The following MACROD2 variants were observed in gnomAD, a reference collection of about 807,000 sequenced individuals.
The protein encoded by MACROD2 is ADP-ribose glycohydrolase MACROD2.
In MACROD2, 36 loss-of-function variants were observed where a neutral mutation model predicts 70.4. That is an observed-to-expected ratio of 0.51 (90% confidence interval 0.39 to 0.68). The LOEUF is 0.68. Ranked by LOEUF, MACROD2 falls within the 30% of genes least tolerant of loss-of-function variation. The pLI is 0.00. For missense variants in MACROD2, 496 were observed against 538.4 expected (o/e 0.92, Z 0.78); for synonymous variants, 172 against 178.8 (o/e 0.96, Z 0.30).
At chr20:14,328,790 AG>A (rs2082781153) in intron 3 of MACROD2, 1 of 152,112 alleles carries the variant, frequency 6.6e-6, no homozygotes, top group Non-Finnish European at 1.5e-5. Context: ...ATGGTGGGCA[AG>A]CTCATTAAAG....
At chr20:15,645,251 A>G (rs1349152462) in intron 8 of MACROD2, among the ~76,000 whole-genome samples, 1 of 152,190 alleles carries the variant, frequency 6.6e-6, no homozygotes, top group Non-Finnish European at 1.5e-5. Context: ...CAGAGGCAAG[A>G]GGGTCCCCAT....
intron 3 of MACROD2, among the ~76,000 whole-genome samples, chr20:14,203,037 A>C (rs1381894345): frequency 6.6e-6 from 1 of 151,758 alleles, no homozygotes; most frequent in Admixed American, 6.6e-5. Context: ...ACAAGAGCAA[A>C]ACTCCATCTT....
At chr20:15,226,745 A>G (rs2076909915) in intron 5 of MACROD2, among the ~76,000 whole-genome samples, 1 of 152,076 alleles carries the variant, frequency 6.6e-6, no homozygotes. Context: ...TCTCCATTAT[A>G]AGGTTAGATA....
chr20:15,904,108 T>G (rs1475981837), intron 10 of MACROD2, among the ~76,000 whole-genome samples: 1 of 152,208 alleles, frequency 6.6e-6, no homozygotes, highest in Admixed American at 6.5e-5. Flanking sequence ...CATCATGTCT[T>G]CTTGCTCTCC....
At chr20:14,816,931 C>A (rs1435295563) in intron 5 of MACROD2, among the ~76,000 whole-genome samples, 1 of 151,840 alleles carries the variant, frequency 6.6e-6, no homozygotes, top group African/African-American at 2.4e-5. Flanking sequence ...TACATAGAAT[C>A]GAAATAAAAC....
At chr20:15,675,018 T>C (rs2050037529) in intron 8 of MACROD2, among the ~76,000 whole-genome samples, 1 of 152,156 alleles carries the variant, frequency 6.6e-6, no homozygotes. Context: ...TTATCAGTTA[T>C]ATTGGTTTTA....
chr20:15,839,868 C>T (rs2064152738), intron 8 of MACROD2, among the ~76,000 whole-genome samples: 1 of 151,890 alleles, frequency 6.6e-6, no homozygotes, highest in Non-Finnish European at 1.5e-5. Flanking sequence ...AAAATGTGAC[C>T]ACCTGTTATC....
intron 3 of MACROD2, among the ~76,000 whole-genome samples, chr20:14,383,446 C>T (rs1370664234): frequency 6.6e-6 from 1 of 152,040 alleles, no homozygotes; most frequent in African/African-American, 2.4e-5. Context: ...TGTAAATATT[C>T]AAATTTGGAC....
chr20:16,020,960 A>G (rs777674181), intron 15 of MACROD2, among the ~76,000 whole-genome samples: 21 of 152,214 alleles, frequency 1.4e-4, no homozygotes, highest in Admixed American at 3.3e-4. Flanking sequence ...TACATTGTTT[A>G]GAAAACAGAG....
intron 5 of MACROD2, among the ~76,000 whole-genome samples, chr20:15,171,238 TC>T (rs1239253461): frequency 1.3e-5 from 2 of 151,256 alleles, no homozygotes; most frequent in Non-Finnish European, 2.9e-5. Flanking sequence ...TCCCTCCATC[TC>T]CCCCTCTATT....
chr20:14,646,340 T>C (rs2123501361), intron 4 of MACROD2, among the ~76,000 whole-genome samples: 1 of 152,190 alleles, frequency 6.6e-6, no homozygotes, highest in South Asian at 2.1e-4. Flanking sequence ...TCATAAAACT[T>C]GTGATGAAAA....
chr20:15,219,321 G>A (rs757551515), intron 5 of MACROD2, among the ~76,000 whole-genome samples: 1 of 152,214 alleles, frequency 6.6e-6, no homozygotes, highest in Non-Finnish European at 1.5e-5. Context: ...TCTCTGAAAA[G>A]TAGGTGAGGA....
chr20:15,083,591 C>A (rs1476469675), intron 5 of MACROD2, among the ~76,000 whole-genome samples: 2 of 144,392 alleles, frequency 1.4e-5, no homozygotes, highest in Non-Finnish European at 3.2e-5. Context: ...TCCACATCAA[C>A]AATAATTTTT....
intron 8 of MACROD2, among the ~76,000 whole-genome samples, chr20:15,743,214 G>T (rs1189494871): frequency 6.6e-6 from 1 of 152,052 alleles, no homozygotes; most frequent in Non-Finnish European, 1.5e-5. Context: ...ATTTCAGCGG[G>T]CAAAGAATAG....
At chr20:14,708,507 A>T (rs559322479) in intron 5 of MACROD2, among the ~76,000 whole-genome samples, 1 of 152,348 alleles carries the variant, frequency 6.6e-6, no homozygotes, top group South Asian at 2.1e-4. Flanking sequence ...ACATGAAAGC[A>T]GCTTGGTTAG....
At chr20:15,219,267 A>G (rs921651359) in intron 5 of MACROD2, among the ~76,000 whole-genome samples, 46 of 152,210 alleles carry the variant, frequency 3.0e-4, no homozygotes, top group African/African-American at 1.1e-3. Flanking sequence ...TGAAAGTGTC[A>G]CCAGAAAGTT....
intron 6 of MACROD2, among the ~76,000 whole-genome samples, chr20:15,389,025 T>C (rs1010344470): frequency 6.6e-6 from 1 of 152,114 alleles, no homozygotes; most frequent in Non-Finnish European, 1.5e-5. Context: ...AAAACGTCCA[T>C]TGATCTTAGC....
chr20:14,066,544 C>T (rs2053759770), intron 2 of MACROD2, among the ~76,000 whole-genome samples: 1 of 152,134 alleles, frequency 6.6e-6, no homozygotes, highest in African/African-American at 2.4e-5. Context: ...TCAAAAATTT[C>T]AAAATTTTAC....
chr20:15,181,717 A>G (rs2076502195), intron 5 of MACROD2, among the ~76,000 whole-genome samples: 1 of 152,116 alleles, frequency 6.6e-6, no homozygotes, highest in African/African-American at 2.4e-5. Flanking sequence ...TTTTGATGTG[A>G]ATTTTCACAT....
Sources: gnomAD v4.1 joint callset for allele counts (sites outside exome capture counted in the v4.1 genomes callset) on GRCh38, gnomAD v4.1.1 for gene constraint, MANE v1.5 for transcripts, NCBI Gene and HGNC (gene_info 2026-07-23, HGNC 2026-07-21) for gene names.